The following BICC1 variants were observed in gnomAD, a reference collection of about 807,000 sequenced individuals.
The protein encoded by BICC1 is protein bicaudal C homolog 1.
In BICC1, 43 loss-of-function variants were observed where a neutral mutation model predicts 111.0. The observed-to-expected ratio is 0.39, with a 90% confidence interval of 0.30 to 0.50. The LOEUF (loss-of-function observed/expected upper bound fraction) is 0.50. Ranked by LOEUF, BICC1 falls within the 20% of genes least tolerant of loss-of-function variation. BICC1 has a pLI of 0.88. For synonymous variants in BICC1, 467 were observed against 434.4 expected, an observed-to-expected ratio of 1.07 and a Z score of -0.93; for missense variants, 1,091 against 1,203.2, an observed-to-expected ratio of 0.91 and a Z score of 1.38.
At chr10:58,567,728 C>T (rs1843814183) in intron 1 of BICC1, among the ~76,000 whole-genome samples, 1 of 152,030 alleles carries the variant, frequency 6.6e-6, no homozygotes, top group Non-Finnish European at 1.5e-5. Flanking sequence ...TACTTAAATA[C>T]TTATAGTTAA....
rs1840424901 is a variant in BICC1, at chr10:58,707,609, G to C, written c.307+5466G>C. On this transcript the variant is annotated intron_variant, in intron 3 of 20. Coordinates refer to ENST00000373886, the MANE Select transcript of BICC1 (RefSeq NM_001080512.3). ...AAGTAGTGCAATTTCACCTCACTGT[G>C]ACCTCCGCCTCCCGGGTTCAAGCGA... is the stretch of plus-strand genomic sequence containing the variant. Among the ~76,000 whole-genome samples, 4 of 151,996 alleles carry C rather than the reference G, an allele frequency of 2.6e-5. No homozygotes were observed. The South Asian group carries it at 8.3e-4, about 31-fold the overall frequency.
chr10:58,592,875 CAAAAAAAAA>C (rs969508229), intron 1 of BICC1, among the ~76,000 whole-genome samples: 1 of 46,648 alleles, frequency 2.1e-5, no homozygotes, highest in African/African-American at 8.4e-5. Flanking sequence ...GACTCCGTCT[CAAAAAAAAA>C]AAAAAAAAAA....
intron 1 of BICC1, among the ~76,000 whole-genome samples, chr10:58,526,471 T>C (rs1245115561): frequency 6.6e-6 from 1 of 152,070 alleles, no homozygotes; most frequent in Non-Finnish European, 1.5e-5. Flanking sequence ...ACATGTGTCA[T>C]GTTGGTGTGC....
intron 1 of BICC1, among the ~76,000 whole-genome samples, chr10:58,603,712 A>C (rs1471347426): frequency 6.6e-6 from 1 of 152,212 alleles, no homozygotes; most frequent in Non-Finnish European, 1.5e-5. Flanking sequence ...GTGAAATTAT[A>C]TAGAATGTAC....
At chr10:58,766,877 C>T (rs1430990928) in intron 3 of BICC1, among the ~76,000 whole-genome samples, 1 of 143,514 alleles carries the variant, frequency 7.0e-6, no homozygotes, top group Non-Finnish European at 1.5e-5. Flanking sequence ...AAGAAGCCCA[C>T]CTCTTTTTTG....
intron 3 of BICC1, among the ~76,000 whole-genome samples, chr10:58,753,163 T>G (rs1842039032): frequency 1.3e-5 from 2 of 151,932 alleles, no homozygotes; most frequent in African/African-American, 4.8e-5. Context: ...TGTTGTTGTT[T>G]TTGTTGTTGT....
At chr10:58,680,670 T>C (rs1254265654) in intron 2 of BICC1, among the ~76,000 whole-genome samples, 2 of 151,962 alleles carry the variant, frequency 1.3e-5, no homozygotes, top group African/African-American at 2.4e-5. Flanking sequence ...ATTAGAAAAA[T>C]CTACTTTAAA....
At chr10:58,609,831 A>G (rs7076940) in intron 1 of BICC1, among the ~76,000 whole-genome samples, 151,156 of 152,332 alleles carry the variant, frequency 0.99, 75,005 homozygotes, top group East Asian at 1. Context: ...ACATTGTTTA[A>G]ATTTTGGTAA....
chr10:58,786,874 A>G (rs1843024347), intron 4 of BICC1, 49 bp from the exon 5 acceptor site: 2 of 1,395,986 alleles, frequency 1.4e-6, no homozygotes, highest in African/African-American at 3.0e-5. Flanking sequence ...TTAGGAGGTC[A>G]TTCTTTCCTT....
chr10:58,825,857 C>T (rs988886769), intron 20 of BICC1, among the ~76,000 whole-genome samples: 1 of 152,124 alleles, frequency 6.6e-6, no homozygotes, highest in Non-Finnish European at 1.5e-5. Context: ...TAAAGTGCCG[C>T]TAATGCTCTC....
At chr10:58,555,645 A>G (rs934286662) in intron 1 of BICC1, among the ~76,000 whole-genome samples, 4 of 152,108 alleles carry the variant, frequency 2.6e-5, no homozygotes, top group African/African-American at 9.7e-5. Context: ...AATATGGGTC[A>G]CTGAGGTCTG....
intron 1 of BICC1, among the ~76,000 whole-genome samples, chr10:58,572,914 CTGTTA>C (rs1844003968): frequency 1.3e-5 from 2 of 152,038 alleles, no homozygotes; most frequent in Non-Finnish European, 2.9e-5. Context: ...ATTATTTATT[CTGTTA>C]TGTTGTTATG....
rs185925805 is a variant in BICC1 at position 58,799,257 on chromosome 10, T to C, written c.1725+5T>C. The C allele has an allele frequency of 6.3e-7, 1 of 1,581,132 alleles. No homozygotes were observed. Among genetic ancestry groups the C allele is most frequent in the East Asian group, 2.3e-5 (1 of 43,606 alleles). ...GCTTTAAATGGACATGCACAGGTAA[T>C]GGCCTTCTGCCAGAATGTGTGTGTG... On this transcript the variant is annotated splice_donor_5th_base_variant and intron_variant, in intron 12 of 20. Coordinates refer to ENST00000373886, the MANE Select transcript of BICC1 (RefSeq NM_001080512.3).
chr10:58,610,491 T>C (rs74971891), intron 1 of BICC1, among the ~76,000 whole-genome samples: 2,557 of 152,306 alleles, frequency 0.017, 78 homozygotes, highest in African/African-American at 0.058. Flanking sequence ...TTTCTAATTC[T>C]TATTCTGTTA....
chr10:58,543,155 T>A lies in BICC1; in HGVS notation c.190+29822T>A, dbSNP rs531660717. 1.7e-3 allele frequency among the ~76,000 whole-genome samples: 259 copies of A among 152,144 alleles called. 1 individual carries two copies. The highest frequency in any genetic ancestry group is 1.8e-3 in the Non-Finnish European group (121 of 68,002). On this transcript the variant is annotated intron_variant, in intron 1 of 20. Transcript: ENST00000373886. Reference sequence around the variant, plus strand: ...CAGAGACAGGGATAAAAAAATGTGATATAGACATACAATGGAATATTGCTC... The same window carrying A: ...CAGAGACAGGGATAAAAAAATGTGAAATAGACATACAATGGAATATTGCTC...
chr10:58,552,536 C>G (rs1039009033), intron 1 of BICC1, among the ~76,000 whole-genome samples: 2 of 152,014 alleles, frequency 1.3e-5, no homozygotes, highest in Non-Finnish European at 2.9e-5. Context: ...GGGGTTTCAC[C>G]GTGTTAGCCA....
intron 1 of BICC1, among the ~76,000 whole-genome samples, chr10:58,538,047 A>G (rs1842866481): frequency 6.6e-6 from 1 of 152,020 alleles, no homozygotes; most frequent in Admixed American, 6.6e-5. Flanking sequence ...CATACTGCCC[A>G]AAGCAATTTA....
chr10:58,645,361 C>T (rs10826208), intron 2 of BICC1, among the ~76,000 whole-genome samples: 145,001 of 148,472 alleles, frequency 0.98, 70,877 homozygotes, highest in East Asian at 1. Flanking sequence ...GAGCCGAGAT[C>T]GCGCCACTGC....
intron 1 of BICC1, among the ~76,000 whole-genome samples, chr10:58,520,112 C>G (rs1658497): frequency 4.7e-4 from 71 of 152,004 alleles, no homozygotes; most frequent in South Asian, 1.0e-3. Context: ...CATGTTTTGT[C>G]GTCTGAAATT....
Sources: gnomAD v4.1 joint callset for allele counts (sites outside exome capture counted in the v4.1 genomes callset) on GRCh38, gnomAD v4.1.1 for gene constraint, MANE v1.5 for transcripts, NCBI Gene and HGNC (gene_info 2026-07-23, HGNC 2026-07-21) for gene names.